Variants in DENND1B observed in about 807,000 individuals in gnomAD.
DENND1B encodes the protein DENN domain containing 1B, also known as DENN domain-containing protein 1B.
In DENND1B, 59 loss-of-function variants were observed where a neutral mutation model predicts 90.1. The ratio of observed to expected loss-of-function variants is 0.65; its 90% CI spans 0.53 to 0.81. The LOEUF (loss-of-function observed/expected upper bound fraction) is 0.81, where lower values mean the gene tolerates loss of function less well. Among genes scored for constraint, DENND1B ranks in the 40% least tolerant of loss-of-function variants. DENND1B has a pLI of 0.00. For synonymous variants in DENND1B, 337 were observed against 324.6 expected (o/e 1.04, Z -0.41); for missense variants, 862 against 912.6 (o/e 0.94, Z 0.71).
Position 197,638,317 on chromosome 1 carries a change from T to C in DENND1B, c.672+4394A>G, listed in dbSNP as rs189302038. Among the ~76,000 whole-genome samples, 669 of 152,268 alleles carry C rather than the reference T, an allele frequency of 4.4e-3. 4 individuals are homozygous for C. The highest frequency in any genetic ancestry group is 6.2e-3 in the Non-Finnish European group (424 of 68,016). On this transcript the variant is annotated intron_variant, in intron 10 of 22. Coordinates refer to ENST00000620048, the MANE Select transcript of DENND1B (RefSeq NM_001195215.2). ...AATATGCTTATAGACTTTCTGAGGGTGAATTTACTAACTAAATAATGGTCA... is the reference window on the plus strand; with the variant it reads ...AATATGCTTATAGACTTTCTGAGGGCGAATTTACTAACTAAATAATGGTCA...
intron 2 of DENND1B, among the ~76,000 whole-genome samples, chr1:197,749,358 A>C (rs919362328): frequency 6.6e-6 from 1 of 152,048 alleles, no homozygotes; most frequent in Non-Finnish European, 1.5e-5. Context: ...ATAACAACCA[A>C]ATTTTTGAAA....
At chr1:197,733,819 G>A (rs1468862253) in intron 2 of DENND1B, among the ~76,000 whole-genome samples, 1 of 152,096 alleles carries the variant, frequency 6.6e-6, no homozygotes, top group Non-Finnish European at 1.5e-5. Flanking sequence ...ATAAAGATAA[G>A]AGAAAAACTT....
intron 3 of DENND1B, chr1:197,690,621 C>T: frequency 8.3e-6 from 2 of 241,024 alleles, no homozygotes. Context: ...CTGGAAAGTT[C>T]AGGAGGCTAA....
At chr1:197,531,156 G>C (rs1055794395) in intron 20 of DENND1B, among the ~76,000 whole-genome samples, 1 of 152,150 alleles carries the variant, frequency 6.6e-6, no homozygotes, top group Non-Finnish European at 1.5e-5. Context: ...AGTTTTAAAT[G>C]AATCACGTAA....
chr1:197,705,477 G>T (rs1384017645), intron 3 of DENND1B, among the ~76,000 whole-genome samples: 1 of 152,020 alleles, frequency 6.6e-6, no homozygotes, highest in Non-Finnish European at 1.5e-5. Context: ...GCTTATTGAT[G>T]TCCCAGTGAT....
chr1:197,577,334 T>C (rs140040184), intron 15 of DENND1B, among the ~76,000 whole-genome samples: 2 of 152,258 alleles, frequency 1.3e-5, no homozygotes, highest in East Asian at 3.9e-4. Context: ...TTTGGAAAAA[T>C]GCAGAATGCT....
At chr1:197,721,232 G>C (rs1451448225) in intron 2 of DENND1B, among the ~76,000 whole-genome samples, 1 of 151,852 alleles carries the variant, frequency 6.6e-6, no homozygotes, top group Non-Finnish European at 1.5e-5. Context: ...ACCACACCCA[G>C]CTAATTTTTT....
intron 18 of DENND1B, among the ~76,000 whole-genome samples, chr1:197,544,723 A>C (rs1186290060): frequency 6.7e-6 from 1 of 149,862 alleles, no homozygotes; most frequent in Non-Finnish European, 1.5e-5. Flanking sequence ...AAGAGGAAGA[A>C]GAGGAAGAGG....
chr1:197,520,958 A>C (rs1239744324), intron 20 of DENND1B, among the ~76,000 whole-genome samples: 1 of 152,002 alleles, frequency 6.6e-6, no homozygotes, highest in African/African-American at 2.4e-5. Context: ...GTACTAAACT[A>C]ATGAAAAAGG....
upstream of DENND1B, among the ~76,000 whole-genome samples, chr1:197,778,982 C>A (rs1394673642): frequency 6.6e-6 from 1 of 152,038 alleles, no homozygotes; most frequent in African/African-American, 2.4e-5. Flanking sequence ...TCTAAAACCC[C>A]CTCAAAACTA....
intron 2 of DENND1B, among the ~76,000 whole-genome samples, chr1:197,749,019 G>GA (rs1653089142): frequency 6.6e-6 from 1 of 151,648 alleles, no homozygotes; most frequent in Non-Finnish European, 1.5e-5. Context: ...TCACTGTATG[G>GA]GCTTAACAGC....
At chr1:197,607,862 A>G (rs147062225) in intron 12 of DENND1B, among the ~76,000 whole-genome samples, 3 of 150,858 alleles carry the variant, frequency 2.0e-5, no homozygotes, top group African/African-American at 7.2e-5. Flanking sequence ...TAAGAATTTT[A>G]TCATAGTTTT....
At chr1:197,723,147 C>T (rs1360899985) in intron 2 of DENND1B, among the ~76,000 whole-genome samples, 1 of 152,138 alleles carries the variant, frequency 6.6e-6, no homozygotes, top group Non-Finnish European at 1.5e-5. Context: ...GAAAATGGAA[C>T]TTCAAAGAAC....
chr1:197,720,840 A>G (rs1471538576), intron 2 of DENND1B, among the ~76,000 whole-genome samples: 1 of 152,184 alleles, frequency 6.6e-6, no homozygotes, highest in Non-Finnish European at 1.5e-5. Flanking sequence ...AAACAAATTC[A>G]TTGCTGGAAA....
intron 7 of DENND1B, among the ~76,000 whole-genome samples, chr1:197,649,858 G>C (rs1034461346): frequency 1.3e-5 from 2 of 152,094 alleles, no homozygotes; most frequent in African/African-American, 2.4e-5. Context: ...TGAAAACAAA[G>C]ATAAATAGTT....
intron 3 of DENND1B, among the ~76,000 whole-genome samples, chr1:197,691,707 A>G (rs981760805): frequency 6.6e-5 from 10 of 152,056 alleles, no homozygotes; most frequent in African/African-American, 2.4e-4. Flanking sequence ...GAAACATCCT[A>G]CATGTCCATC....
chr1:197,581,805 T>C (rs1485581279), intron 15 of DENND1B, among the ~76,000 whole-genome samples: 1 of 152,156 alleles, frequency 6.6e-6, no homozygotes, highest in East Asian at 1.9e-4. Context: ...CTAACCCCCA[T>C]ATAATTTAAT....
At chr1:197,599,785 T>A (rs765562444) in intron 13 of DENND1B, among the ~76,000 whole-genome samples, 1 of 151,890 alleles carries the variant, frequency 6.6e-6, no homozygotes, top group African/African-American at 2.4e-5. Context: ...TATACTTACC[T>A]ACAGAGCATA....
At chr1:197,536,160 T>TAGATGAGATGAGATGAGAGG (rs1669882689) in intron 20 of DENND1B, among the ~76,000 whole-genome samples, 1 of 126,234 alleles carries the variant, frequency 7.9e-6, no homozygotes, top group Non-Finnish European at 1.6e-5. Context: ...GAGAGAGAGA[T>TAGATGAGATGAGATGAGAGG]AGATGAGATG....
Sources: allele counts gnomAD v4.1 joint callset (sites outside exome capture counted in the v4.1 genomes callset), GRCh38; gene constraint gnomAD v4.1.1; transcripts MANE v1.5; gene names NCBI Gene and HGNC (gene_info 2026-07-23, HGNC 2026-07-21).